LRRC3B: variants seen among roughly 807,000 people sequenced by gnomAD.
The protein encoded by LRRC3B is leucine-rich repeat-containing protein 3B.
LRRC3B carries 2 observed loss-of-function variants against 12.8 expected under a neutral mutation model. That is an observed-to-expected ratio of 0.16 (90% CI 0.06 to 0.49). LRRC3B has a LOEUF of 0.49. Among genes scored for constraint, LRRC3B ranks in the 20% least tolerant of loss-of-function variants. The pLI is 0.96. For missense variants in LRRC3B, 189 were observed against 319.4 expected (o/e 0.59, Z 3.11); for synonymous variants, 132 against 122.0 (o/e 1.08, Z -0.54).
intron 1 of LRRC3B, among the ~76,000 whole-genome samples, 184 bp from the exon 2 acceptor site, chr3:26,709,329 C>T (rs1700688754): frequency 6.6e-6 from 1 of 152,158 alleles, no homozygotes; most frequent in South Asian, 2.1e-4. Flanking sequence ...GTTCTCTCCC[C>T]CAGCACCTGG....
chr3:26,667,887 A>AT (rs202073477), intron 1 of LRRC3B, among the ~76,000 whole-genome samples: 60 of 150,388 alleles, frequency 4.0e-4, no homozygotes, highest in East Asian at 9.8e-4. Context: ...TGGATTACCA[A>AT]TTTTTTTTTA....
intron 1 of LRRC3B, among the ~76,000 whole-genome samples, chr3:26,694,169 TGTA>T (rs937152701): frequency 7.9e-5 from 12 of 152,156 alleles, no homozygotes; most frequent in African/African-American, 2.9e-4. Context: ...TAGTAGTAAT[TGTA>T]GTAGTAGAGG....
chr3:26,640,245 A>G (rs1698995617), intron 1 of LRRC3B, among the ~76,000 whole-genome samples: 1 of 152,090 alleles, frequency 6.6e-6, no homozygotes, highest in Non-Finnish European at 1.5e-5. Flanking sequence ...GTGGTCCTCA[A>G]GCTGTGTTCT....
chr3:26,704,188 A>G (rs1442722968), intron 1 of LRRC3B, among the ~76,000 whole-genome samples: 1 of 152,144 alleles, frequency 6.6e-6, no homozygotes, highest in Non-Finnish European at 1.5e-5. Flanking sequence ...AAAAAAATCT[A>G]CACAAATGTG....
chr3:26,635,759 C>T (rs539119759), intron 1 of LRRC3B, among the ~76,000 whole-genome samples: 3 of 152,144 alleles, frequency 2.0e-5, no homozygotes, highest in Non-Finnish European at 2.9e-5. Flanking sequence ...AAAAATGGAC[C>T]TCGCTTTTGC....
chr3:26,623,708 A>C (rs2125394188), intron 1 of LRRC3B: 1 of 152,424 alleles, frequency 6.6e-6, no homozygotes, highest in South Asian at 2.1e-4. Flanking sequence ...GTGAAATAAG[A>C]GAGGTGGGAC....
chr3:26,675,867 C>T (rs1005131408), intron 1 of LRRC3B, among the ~76,000 whole-genome samples: 12 of 151,830 alleles, frequency 7.9e-5, no homozygotes, highest in African/African-American at 2.9e-4. Context: ...ATGAAACATA[C>T]AATTTTTTTA....
chr3:26,689,688 G>A (rs1302183739), intron 1 of LRRC3B, among the ~76,000 whole-genome samples: 2 of 152,080 alleles, frequency 1.3e-5, no homozygotes, highest in African/African-American at 4.8e-5. Context: ...GGGTAGAGTG[G>A]CCCACCCCCA....
intron 1 of LRRC3B, among the ~76,000 whole-genome samples, chr3:26,688,861 T>C (rs1046480887): frequency 1.3e-5 from 2 of 152,220 alleles, no homozygotes; most frequent in African/African-American, 4.8e-5. Flanking sequence ...TTAACCACTT[T>C]GATTTGTGGC....
At chr3:26,686,601 C>A (rs983074575) in intron 1 of LRRC3B, among the ~76,000 whole-genome samples, 3 of 151,962 alleles carry the variant, frequency 2.0e-5, no homozygotes, top group African/African-American at 7.3e-5. Flanking sequence ...AGTAAATATT[C>A]AGCTCAGAAA....
At chr3:26,639,181 T>G (rs1331802813) in intron 1 of LRRC3B, among the ~76,000 whole-genome samples, 2 of 152,230 alleles carry the variant, frequency 1.3e-5, no homozygotes, top group Non-Finnish European at 2.9e-5. Flanking sequence ...GTAGCTACAT[T>G]AAACATGTAA....
intron 1 of LRRC3B, among the ~76,000 whole-genome samples, chr3:26,626,844 C>G (rs369467058): frequency 6.6e-5 from 10 of 152,186 alleles, no homozygotes; most frequent in African/African-American, 2.4e-4. Context: ...TAAATGATTT[C>G]TAATGATTTT....
At chr3:26,669,954 A>G (rs1008183383) in intron 1 of LRRC3B, among the ~76,000 whole-genome samples, 12 of 151,986 alleles carry the variant, frequency 7.9e-5, no homozygotes, top group South Asian at 2.1e-4. Flanking sequence ...TGTTCATCAC[A>G]TTTTCTTGAG....
At chr3:26,694,960 T>A (rs1575170150) in intron 1 of LRRC3B, among the ~76,000 whole-genome samples, 1 of 152,310 alleles carries the variant, frequency 6.6e-6, no homozygotes, top group South Asian at 2.1e-4. Context: ...CTCCTTAATA[T>A]CATCAACCCC....
chr3:26,632,124 C>A (rs1262073800), intron 1 of LRRC3B, among the ~76,000 whole-genome samples: 2 of 152,162 alleles, frequency 1.3e-5, no homozygotes, highest in Non-Finnish European at 2.9e-5. Context: ...ACAAAAAGAG[C>A]AATAGCTGAC....
intron 1 of LRRC3B, among the ~76,000 whole-genome samples, chr3:26,705,196 G>T (rs1371680878): frequency 6.6e-6 from 1 of 152,120 alleles, no homozygotes; most frequent in Non-Finnish European, 1.5e-5. Context: ...TTTTTCTTCT[G>T]GAAATGGTAT....
At chr3:26,646,598 T>TAAA (rs529066996) in intron 1 of LRRC3B, among the ~76,000 whole-genome samples, 45 of 99,656 alleles carry the variant, frequency 4.5e-4, no homozygotes, top group East Asian at 1.9e-3. Context: ...GGATAGGAGG[T>TAAA]AAAAAAAAAA....
At chr3:26,628,320 GA>G (rs951128396) in intron 1 of LRRC3B, among the ~76,000 whole-genome samples, 12 of 148,676 alleles carry the variant, frequency 8.1e-5, no homozygotes, top group African/African-American at 2.2e-4. Flanking sequence ...TAAGATATTT[GA>G]AAAAAAATAA....
At chr3:26,683,502 A>G (rs1700012927) in intron 1 of LRRC3B, among the ~76,000 whole-genome samples, 1 of 152,214 alleles carries the variant, frequency 6.6e-6, no homozygotes, top group Non-Finnish European at 1.5e-5. Flanking sequence ...TTGGATCCCC[A>G]GGAGGCAGAG....
Sources: allele counts gnomAD v4.1 joint callset (sites outside exome capture counted in the v4.1 genomes callset), GRCh38; gene constraint gnomAD v4.1.1; transcripts MANE v1.5; gene names NCBI Gene and HGNC (gene_info 2026-07-23, HGNC 2026-07-21).